Variants in ACACA observed in about 807,000 individuals in gnomAD.
The protein encoded by ACACA is acetyl-CoA carboxylase alpha.
ACACA carries 103 observed loss-of-function variants against 296.1 expected under a neutral mutation model. The ratio of observed to expected loss-of-function variants is 0.35; its 90% confidence interval spans 0.30 to 0.41. ACACA has a LOEUF of 0.41. Among genes scored for constraint, ACACA ranks in the 10% least tolerant of loss-of-function variants. ACACA has a pLI of 1.00. For synonymous variants in ACACA, 953 were observed against 1,038.6 expected (o/e 0.92, Z 1.58); for missense variants, 1,554 against 2,989.7 (o/e 0.52, Z 11.20).
At chr17:37,156,795 G>A (rs1194310767) in intron 42 of ACACA, among the ~76,000 whole-genome samples, 1 of 152,202 alleles carries the variant, frequency 6.6e-6, no homozygotes, top group East Asian at 1.9e-4. Context: ...TAAATACTAT[G>A]AGAAATTATG....
intron 15 of ACACA, among the ~76,000 whole-genome samples, chr17:37,252,590 C>A (rs112168113): frequency 1.3e-5 from 2 of 152,124 alleles, no homozygotes; most frequent in Non-Finnish European, 2.9e-5. Flanking sequence ...CTGGTAGATA[C>A]AGAAGTTGGC....
intron 45 of ACACA, among the ~76,000 whole-genome samples, chr17:37,149,652 C>G (rs1346298186): frequency 6.6e-6 from 1 of 152,024 alleles, no homozygotes; most frequent in Non-Finnish European, 1.5e-5. Flanking sequence ...ACAGTAAGTA[C>G]TCAAAATAGT....
intron 1 of ACACA, among the ~76,000 whole-genome samples, chr17:37,399,732 G>A (rs575925536): frequency 7.9e-5 from 12 of 152,258 alleles, no homozygotes; most frequent in Non-Finnish European, 1.0e-4. Context: ...CTGGATTCAC[G>A]AAAACTGTTT....
At chr17:37,280,041 A>G (rs568821521) in intron 5 of ACACA, among the ~76,000 whole-genome samples, 2 of 152,258 alleles carry the variant, frequency 1.3e-5, no homozygotes, top group South Asian at 4.2e-4. Context: ...ATATGTTACT[A>G]GCAATAAAAC....
intron 50 of ACACA, among the ~76,000 whole-genome samples, chr17:37,118,254 C>T (rs1283694296): frequency 6.6e-6 from 1 of 152,100 alleles, no homozygotes. Flanking sequence ...AGACCAAGGG[C>T]AGCAGGGAGA....
At chr17:37,110,650 C>T (rs1179562929) in intron 52 of ACACA, among the ~76,000 whole-genome samples, 1 of 152,178 alleles carries the variant, frequency 6.6e-6, no homozygotes, top group Non-Finnish European at 1.5e-5. Context: ...TGGGGATATA[C>T]AGTCCACAAA....
At chr17:37,364,600 A>AAAAAAAG (rs1555662070) in intron 1 of ACACA, among the ~76,000 whole-genome samples, 2 of 129,860 alleles carry the variant, frequency 1.5e-5, no homozygotes, top group African/African-American at 6.6e-5. Flanking sequence ...CAAAAAAAAA[A>AAAAAAAG]AAAAAGAAAA....
chr17:37,226,242 T>A (rs1451875178), intron 26 of ACACA, 97 bp downstream of exon 26: 2 of 921,774 alleles, frequency 2.2e-6, no homozygotes, highest in African/African-American at 3.2e-5. Flanking sequence ...AAATAACATG[T>A]TCTTTGTAAA....
At chr17:37,168,976 G>T (rs1054742090) in intron 41 of ACACA, among the ~76,000 whole-genome samples, 5 of 152,066 alleles carry the variant, frequency 3.3e-5, no homozygotes, top group Non-Finnish European at 7.4e-5. Flanking sequence ...TACTAAAATC[G>T]AAAGCTTTTA....
At chr17:37,283,598 C>T (rs764063354) in intron 4 of ACACA, among the ~76,000 whole-genome samples, 193 bp from the exon 5 acceptor site, 1 of 152,212 alleles carries the variant, frequency 6.6e-6, no homozygotes, top group African/African-American at 2.4e-5. Context: ...TAAATGTTAA[C>T]TAAGCAAATA....
At chr17:37,287,798 C>CAAAG (rs1447828617) in intron 3 of ACACA, among the ~76,000 whole-genome samples, 94 of 151,740 alleles carry the variant, frequency 6.2e-4, no homozygotes, top group Non-Finnish European at 1.0e-3. Context: ...AGTCTAGCAG[C>CAAAG]TACTTTGCCT....
chr17:37,215,339 C>T (rs1031793271), intron 29 of ACACA, among the ~76,000 whole-genome samples: 2 of 152,112 alleles, frequency 1.3e-5, no homozygotes, highest in Non-Finnish European at 2.9e-5. Context: ...CAAAGTACAC[C>T]TCCATCTCCT....
chr17:37,308,439 A>G (rs2083982929), intron 3 of ACACA, among the ~76,000 whole-genome samples: 1 of 152,208 alleles, frequency 6.6e-6, no homozygotes, highest in African/African-American at 2.4e-5. Context: ...CTAATTGCCA[A>G]TATCAGGAAT....
chr17:37,221,949 T>G, intron 28 of ACACA, 107 bp from the exon 29 acceptor site: 1 of 941,262 alleles, frequency 1.1e-6, no homozygotes, highest in Non-Finnish European at 1.7e-6. Context: ...AGGTGCTCTG[T>G]GGGGAGAGAA....
At chr17:37,245,770 C>T (rs1437185298) in intron 19 of ACACA, among the ~76,000 whole-genome samples, 1 of 152,156 alleles carries the variant, frequency 6.6e-6, no homozygotes, top group East Asian at 1.9e-4. Flanking sequence ...AGCAATCTTC[C>T]TAGACCCCAA....
chr17:37,257,569 T>C, intron 14 of ACACA, 134 bp downstream of exon 14: 1 of 809,700 alleles, frequency 1.2e-6, no homozygotes, highest in Non-Finnish European at 2.0e-6. Flanking sequence ...ATTAAAGATA[T>C]TCAAAATTTC....
chr17:37,144,813 T>C (rs1049234542), intron 45 of ACACA, among the ~76,000 whole-genome samples: 2 of 88,390 alleles, frequency 2.3e-5, no homozygotes, highest in African/African-American at 1.2e-4. Context: ...GAGTATAGGA[T>C]TTTTTTTTTT....
At chr17:37,285,968 T>G (rs891685693) in intron 3 of ACACA, among the ~76,000 whole-genome samples, 1 of 152,166 alleles carries the variant, frequency 6.6e-6, no homozygotes, top group Admixed American at 6.5e-5. Flanking sequence ...CTCAACTCAC[T>G]ACAACCTTCG....
At chr17:37,372,776 C>T (rs2049854979) in intron 1 of ACACA, among the ~76,000 whole-genome samples, 1 of 152,122 alleles carries the variant, frequency 6.6e-6, no homozygotes, top group Non-Finnish European at 1.5e-5. Flanking sequence ...CTCTGCTCCA[C>T]TGATATTCCA....
Sources: gnomAD v4.1 joint callset for allele counts (sites outside exome capture counted in the v4.1 genomes callset) on GRCh38, gnomAD v4.1.1 for gene constraint, MANE v1.5 for transcripts, NCBI Gene and HGNC (gene_info 2026-07-23, HGNC 2026-07-21) for gene names.